NFIX: variants seen among roughly 807,000 people sequenced by gnomAD.
NFIX encodes the protein nuclear factor I X.
A neutral mutation model predicts 53.3 loss-of-function variants in NFIX; 2 were observed. The ratio of observed to expected loss-of-function variants is 0.04; its 90% confidence interval spans 0.02 to 0.12. The LOEUF is 0.12. Among genes scored for constraint, NFIX ranks in the 10% least tolerant of loss-of-function variants. The probability of loss-of-function intolerance (pLI) is 1.00; values close to 1 mark genes in which losing one functional copy is unlikely to be tolerated. For synonymous variants in NFIX, 244 were observed against 289.0 expected, an observed-to-expected ratio of 0.84 and a Z score of 1.58; for missense variants, 310 against 674.5, an observed-to-expected ratio of 0.46 and a Z score of 5.99.
intron 5 of NFIX, 46 bp from the exon 6 acceptor site, chr19:13,075,489 G>T: frequency 6.2e-7 from 1 of 1,605,328 alleles, no homozygotes. Flanking sequence ...ACTCCCTGGA[G>T]CCTCAGCCCA....
intron 1 of NFIX, among the ~76,000 whole-genome samples, chr19:13,018,008 C>G (rs1197810735): frequency 1.3e-5 from 2 of 152,220 alleles, no homozygotes; most frequent in Non-Finnish European, 2.9e-5. Flanking sequence ...AGCCTGCCGG[C>G]TGGAGAAGAG....
chr19:13,045,130 C>G lies in NFIX; in HGVS notation c.559+19578C>G, dbSNP rs148287818. Among the ~76,000 whole-genome samples the G allele has an allele frequency of 3.2e-3, 489 of 152,306 alleles. 3 individuals are homozygous for G. The highest frequency in any genetic ancestry group is 5.0e-3 in the Non-Finnish European group (337 of 68,026). ...TGCTGAAGGCTGCTTTACTTCTGGA[C>G]AGGCCTTCACCTGCATAGAATGGAA... On this transcript the variant is annotated intron_variant, in intron 2 of 10. Transcript: ENST00000592199. The surrounding 1 kb of genome is among the most constrained non-coding windows in gnomAD (Gnocchi z 4.4).
chr19:13,044,799 A>G (rs1462858547), intron 2 of NFIX, among the ~76,000 whole-genome samples: 3 of 152,194 alleles, frequency 2.0e-5, no homozygotes, highest in Non-Finnish European at 4.4e-5. Flanking sequence ...CTGCGTCTCC[A>G]CCGTCAGGAC....
rs2016529916 is a variant in NFIX at position 13,068,013 on chromosome 19, G to A, written c.560-5034G>A. Among the ~76,000 whole-genome samples the A allele has an allele frequency of 6.6e-6, 1 of 151,904 alleles. No individual in the cohort carries two copies. The highest frequency in any genetic ancestry group is 1.5e-5 in the Non-Finnish European group (1 of 67,988). On this transcript the variant is annotated intron_variant, in intron 2 of 10. Transcript: ENST00000592199. The surrounding 1 kb of genome is among the most constrained non-coding windows in gnomAD (Gnocchi z 4.2). ...CCCAGTACTCGGGAGGCTGAGGCAGGAGAATGGCGTGAACCCAGGAGGTGG... is the reference window on the plus strand; with the variant it reads ...CCCAGTACTCGGGAGGCTGAGGCAGAAGAATGGCGTGAACCCAGGAGGTGG...
At chr19:13,003,301 C>T (rs376151808) in intron 1 of NFIX, among the ~76,000 whole-genome samples, 14 of 152,286 alleles carry the variant, frequency 9.2e-5, no homozygotes, top group African/African-American at 2.9e-4. Flanking sequence ...CACATCGATG[C>T]GGCATTACAC....
In NFIX at chr19:13,073,123, A is replaced by C. The variant is rs756653608; in HGVS notation, c.622+14A>C. On this transcript the variant is annotated intron_variant, in intron 3 of 10. Coordinates refer to ENST00000592199, the MANE Select transcript of NFIX (RefSeq NM_001365902.3). This position sits in a 1 kb window ranked among gnomAD's most constrained non-coding sequence, Gnocchi z 4.5. ...CACTGCCCAACGGTCAGTGCCCCCCACCTGCCCAGCTGCCCTTATCCTTCA... is the reference window on the plus strand; with the variant it reads ...CACTGCCCAACGGTCAGTGCCCCCCCCCTGCCCAGCTGCCCTTATCCTTCA... The C allele has an allele frequency of 5.6e-6, 9 of 1,613,316 alleles. 1 individual carries two copies. In the South Asian group the frequency reaches 9.9e-5, roughly 18 times the overall value.
intron 2 of NFIX, among the ~76,000 whole-genome samples, chr19:13,071,796 TGCTGCAAGCAGGGGTGCCACCCGGGTGG>T (rs1379098788): frequency 6.6e-6 from 1 of 152,140 alleles, no homozygotes; most frequent in African/African-American, 2.4e-5. Context: ...GGGGCCCTCA[TGCTGCAAGCAGGGGTGCCACCCGGGTGG>T]GCTGCATCCT....
intron 2 of NFIX, among the ~76,000 whole-genome samples, chr19:13,055,634 G>A (rs376513121): frequency 3.7e-4 from 57 of 152,308 alleles, no homozygotes; most frequent in African/African-American, 1.3e-3. Flanking sequence ...CTGGGGGAGG[G>A]GGGGGTCTGC....
intron 1 of NFIX, among the ~76,000 whole-genome samples, chr19:12,999,916 C>T (rs1272892310): frequency 1.3e-5 from 2 of 152,216 alleles, no homozygotes; most frequent in Non-Finnish European, 1.5e-5. Flanking sequence ...ATGCCCACTG[C>T]TGGGGTGGGA....
Position 13,093,080 on chromosome 19 carries a change from T to C in NFIX, c.1495-1555T>C, listed in dbSNP as rs903884195. On this transcript the variant is annotated intron_variant, in intron 10 of 10. Coordinates refer to ENST00000592199, the MANE Select transcript of NFIX (RefSeq NM_001365902.3). This position sits in a 1 kb window ranked among gnomAD's most constrained non-coding sequence, Gnocchi z 4.7. ...TCTTGATCTGCACTGTCCATTGTGGTAGCCACGGGCCACGTGTGGCTGTTT... is the reference window on the plus strand; with the variant it reads ...TCTTGATCTGCACTGTCCATTGTGGCAGCCACGGGCCACGTGTGGCTGTTT... Among the ~76,000 whole-genome samples, 2 of 152,260 alleles carry C rather than the reference T, an allele frequency of 1.3e-5. No individual in the cohort carries two copies. The highest frequency in any genetic ancestry group is 3.2e-3 in the Middle Eastern group (1 of 316).
intron 2 of NFIX, among the ~76,000 whole-genome samples, chr19:13,031,034 C>G (rs531613224): frequency 6.6e-6 from 1 of 152,172 alleles, no homozygotes; most frequent in African/African-American, 2.4e-5. Flanking sequence ...GGGGCTCAGG[C>G]TGGCCTCAGA....
intron 1 of NFIX, among the ~76,000 whole-genome samples, chr19:13,003,392 A>G (rs1180758069): frequency 6.6e-6 from 1 of 152,168 alleles, no homozygotes; most frequent in Non-Finnish European, 1.5e-5. Flanking sequence ...CACAGCACAG[A>G]CACAGGCTCT....
chr19:13,029,662 C>CCCCT (rs1306725229), intron 2 of NFIX, among the ~76,000 whole-genome samples: 5 of 152,178 alleles, frequency 3.3e-5, no homozygotes, highest in Admixed American at 2.0e-4. Flanking sequence ...GATTCGGCCT[C>CCCCT]CCCTCCCTCC....
rs1472642296 is a variant in NFIX at position 13,095,550 on chromosome 19, C to G, written c.*901C>G. ...GAGGGGAGTCGGGCCCCAGGTCGCCCCCGCCCCCAGCCCTGCATGCAGGTG... is the reference window on the plus strand; with the variant it reads ...GAGGGGAGTCGGGCCCCAGGTCGCCGCCGCCCCCAGCCCTGCATGCAGGTG... On this transcript the variant is annotated 3_prime_UTR_variant, in exon 11 of 11. Coordinates refer to ENST00000592199, the MANE Select transcript of NFIX (RefSeq NM_001365902.3). The G allele has an allele frequency of 1.3e-5, 2 of 152,356 alleles. No homozygotes were observed. The highest frequency in any genetic ancestry group is 2.9e-5 in the Non-Finnish European group (2 of 68,110). 9.4% of individuals were successfully genotyped at this position (152,356 alleles called of 1,614,324 possible).
Position 13,051,666 on chromosome 19 carries a change from T to C in NFIX, c.560-21381T>C, listed in dbSNP as rs1025362462. 6.6e-6 allele frequency among the ~76,000 whole-genome samples: 1 copy of C among 152,066 alleles called. No homozygotes were observed. The highest frequency in any genetic ancestry group is 1.5e-5 in the Non-Finnish European group (1 of 68,006). ...CGGAGAAGCCCAGCCCTCCTCCTCC[T>C]CCCTTCTTGGCCCTCTCCTCTCCCT... is the stretch of plus-strand genomic sequence containing the variant. On this transcript the variant is annotated intron_variant, in intron 2 of 10. Transcript: ENST00000592199. This position sits in a 1 kb window ranked among gnomAD's most constrained non-coding sequence, Gnocchi z 5.1.
chr19:13,021,000 G>T (rs751876869), intron 1 of NFIX, among the ~76,000 whole-genome samples: 1 of 152,066 alleles, frequency 6.6e-6, no homozygotes, highest in Non-Finnish European at 1.5e-5. Flanking sequence ...CAGGAGGCTC[G>T]TGTTGGCCAT....
intron 1 of NFIX, among the ~76,000 whole-genome samples, chr19:13,010,463 G>A (rs1266295967): frequency 6.6e-6 from 1 of 152,226 alleles, no homozygotes; most frequent in South Asian, 2.1e-4. Context: ...GCCCTTGCCC[G>A]GCGCCCCCAG....
intron 1 of NFIX, among the ~76,000 whole-genome samples, chr19:13,007,325 C>G (rs952670263): frequency 3.9e-5 from 6 of 152,118 alleles, no homozygotes; most frequent in Admixed American, 1.3e-4. Flanking sequence ...TCTGCGTGCT[C>G]GTGTGTATCT....
rs1568334024 is a variant in NFIX, at chr19:13,090,450, G to A, written c.1494+60G>A. 3.4e-6 allele frequency: 5 copies of A among 1,485,580 alleles called. No homozygotes were observed. Among genetic ancestry groups the A allele is most frequent in the Non-Finnish European group, 3.8e-6 (4 of 1,064,386 alleles). 92.0% of individuals were successfully genotyped at this position (1,485,580 alleles called of 1,614,324 possible). On this transcript the variant is annotated intron_variant, in intron 10 of 10. Transcript: ENST00000592199. The surrounding 1 kb of genome is among the most constrained non-coding windows in gnomAD (Gnocchi z 6.6). ...CCAGGGGAGTAGTCAGGGTTGGGGG[G>A]CATCTTGGTGTTAGGGAAGAGCCTG...
Sources: allele counts gnomAD v4.1 joint callset (sites outside exome capture counted in the v4.1 genomes callset), GRCh38; gene constraint gnomAD v4.1.1; non-coding constraint Gnocchi (gnomAD v3.1); transcripts MANE v1.5; gene names NCBI Gene and HGNC (gene_info 2026-07-23, HGNC 2026-07-21).